GSE1: variants seen among roughly 807,000 people sequenced by gnomAD.
GSE1 encodes the protein Gse1 coiled-coil protein, also known as genetic suppressor element 1.
A neutral mutation model predicts 112.6 loss-of-function variants in GSE1; 32 were observed. The observed-to-expected ratio is 0.28, with a 90% CI of 0.21 to 0.38. The LOEUF is 0.38. Ranked by LOEUF, GSE1 falls within the 10% of genes least tolerant of loss-of-function variation. GSE1 has a pLI of 1.00. For missense variants in GSE1, 2,348 were observed against 1,699.2 expected, an observed-to-expected ratio of 1.38 and a Z score of -6.71; for synonymous variants, 1,115 against 735.6, an observed-to-expected ratio of 1.52 and a Z score of -8.35.
intron 2 of GSE1, among the ~76,000 whole-genome samples, chr16:85,524,448 C>A (rs559752252): frequency 6.6e-6 from 1 of 152,126 alleles, no homozygotes; most frequent in Non-Finnish European, 1.5e-5. Context: ...AATGCCAGCA[C>A]GGCTGCCGTG....
intron 2 of GSE1, among the ~76,000 whole-genome samples, chr16:85,383,759 G>T (rs2047621562): frequency 6.6e-6 from 1 of 152,180 alleles, no homozygotes; most frequent in Admixed American, 6.5e-5. Flanking sequence ...CCCTGGCAGG[G>T]TTAAGAGGGG....
chr16:85,348,952 C>T (rs1164562915), intron 1 of GSE1, among the ~76,000 whole-genome samples: 1 of 152,100 alleles, frequency 6.6e-6, no homozygotes, highest in African/African-American at 2.4e-5. Flanking sequence ...AGCCAACCCC[C>T]ACCGCCCTGC....
intron 2 of GSE1, among the ~76,000 whole-genome samples, chr16:85,476,852 A>C (rs564855354): frequency 3.1e-4 from 45 of 146,446 alleles, no homozygotes; most frequent in Middle Eastern, 3.7e-3. Flanking sequence ...GGCTCAAGTG[A>C]TCCTCTCACC....
At chr16:85,560,166 T>G (rs888258258) in intron 1 of GSE1, among the ~76,000 whole-genome samples, 1 of 134,804 alleles carries the variant, frequency 7.4e-6, no homozygotes, top group Non-Finnish European at 1.5e-5. Flanking sequence ...AGACGGAGTC[T>G]CTCTCTCTTG....
At position 85,319,995 on chromosome 16, in the gene GSE1, G is replaced by A. The variant is rs150510694; in HGVS notation, c.2284-37468G>A. On this transcript the variant is annotated intron_variant, in intron 1 of 2. Transcript: ENST00000637419. ...GGGGCTGCGCCTACCCAGCCGGTTC[G>A]CTTCTCCTTGGGGTTGCGTTTCTTT... 4.3e-4 allele frequency among the ~76,000 whole-genome samples: 66 copies of A among 152,308 alleles called. 1 individual carries two copies. The East Asian group carries it at 5.0e-3, about 12-fold the overall frequency.
chr16:85,304,613 G>GGGGGGGCC (rs1597345354), intron 1 of GSE1, among the ~76,000 whole-genome samples: 1 of 131,730 alleles, frequency 7.6e-6, no homozygotes, highest in Non-Finnish European at 1.7e-5. Flanking sequence ...GGGGGGTGGG[G>GGGGGGGCC]CATCCCTTTT....
At chr16:85,292,578 C>T (rs963398825) in intron 1 of GSE1, among the ~76,000 whole-genome samples, 37 of 152,274 alleles carry the variant, frequency 2.4e-4, no homozygotes, top group African/African-American at 8.9e-4. Flanking sequence ...CCACCTGCCT[C>T]GGCCCCCCAA....
intron 1 of GSE1, among the ~76,000 whole-genome samples, chr16:85,331,703 ATATATTTTT>A (rs1381325449): frequency 7.4e-5 from 3 of 40,620 alleles, no homozygotes; most frequent in South Asian, 9.4e-4. Context: ...ATATATATAT[ATATATTTTT>A]TTTTTTTTTT....
At chr16:85,557,181 C>G (rs1019812774) in intron 1 of GSE1, among the ~76,000 whole-genome samples, 1 of 152,138 alleles carries the variant, frequency 6.6e-6, no homozygotes, top group African/African-American at 2.4e-5. Flanking sequence ...GGTGGTGAAC[C>G]CCAGGGTTCT....
At chr16:85,241,468 G>A (rs1938774009) in intron 1 of GSE1, among the ~76,000 whole-genome samples, 1 of 152,192 alleles carries the variant, frequency 6.6e-6, no homozygotes, top group Admixed American at 6.5e-5. Flanking sequence ...TTTACACCAG[G>A]GAAATGGGCG....
At position 85,666,033 on chromosome 16, in the gene GSE1, C is replaced by A; in HGVS notation, c.2816C>A (p.Ser939Tyr). 1 of 1,613,702 alleles carries A rather than the reference C, an allele frequency of 6.2e-7. No homozygotes were observed. The highest frequency in any genetic ancestry group is 8.5e-7 in the Non-Finnish European group (1 of 1,180,014). The change falls in exon 13 of 16, where the codon TCC (serine) becomes TAC (tyrosine). Residue 939 changes from serine (S) to tyrosine (Y), a missense_variant. Coordinates refer to ENST00000253458, the MANE Select transcript of GSE1 (RefSeq NM_014615.5). ...GAGAAGCCGGTTGGTGTTGCTGCTTCCTTGTCTGACATCCCAAAGGCCGCG... is the reference window on the plus strand; with the variant it reads ...GAGAAGCCGGTTGGTGTTGCTGCTTACTTGTCTGACATCCCAAAGGCCGCG... Reference protein sequence around the residue: ...DVEKPVGVAASLSDIPKAAEP... With the variant: ...DVEKPVGVAAYLSDIPKAAEP...
chr16:85,369,326 C>A (rs1403820843), intron 2 of GSE1, among the ~76,000 whole-genome samples: 2 of 152,144 alleles, frequency 1.3e-5, no homozygotes, highest in Non-Finnish European at 2.9e-5. Context: ...AAGGGATCCT[C>A]CCACTTTAGC....
chr16:85,246,801 G>C (rs1905898507), intron 1 of GSE1, among the ~76,000 whole-genome samples: 2 of 152,094 alleles, frequency 1.3e-5, no homozygotes, highest in African/African-American at 4.8e-5. Context: ...CTGGATGTCT[G>C]TGGCCCCTAC....
intron 1 of GSE1, among the ~76,000 whole-genome samples, chr16:85,628,828 G>A (rs1020552655): frequency 5.9e-5 from 9 of 152,174 alleles, no homozygotes; most frequent in African/African-American, 1.9e-4. Context: ...AGGTGTGTGC[G>A]CCATCTGGGG....
chr16:85,292,137 T>A (rs1262768913), intron 1 of GSE1, among the ~76,000 whole-genome samples: 5 of 150,726 alleles, frequency 3.3e-5, no homozygotes, highest in Non-Finnish European at 7.4e-5. Flanking sequence ...CACAAAAGAA[T>A]GAACCTTTTT....
At position 85,629,156 on chromosome 16, in the gene GSE1, C is replaced by A. The variant is rs528707466; in HGVS notation, c.8-4758C>A. On this transcript the variant is annotated intron_variant, in intron 1 of 15. Transcript: ENST00000253458. ...CCTGAGGCCTCCCCAGAAGCAGATGCCAGCACCACGCTTCCTGTACACCCC... is the reference window on the plus strand; with the variant it reads ...CCTGAGGCCTCCCCAGAAGCAGATGACAGCACCACGCTTCCTGTACACCCC... 5.9e-5 allele frequency among the ~76,000 whole-genome samples: 9 copies of A among 152,322 alleles called. No homozygotes were observed. In the South Asian group the frequency reaches 1.9e-3, roughly 32 times the overall value.
At chr16:85,233,240 C>T (rs750581602) in intron 1 of GSE1, among the ~76,000 whole-genome samples, 4 of 152,378 alleles carry the variant, frequency 2.6e-5, no homozygotes, top group South Asian at 4.1e-4. Flanking sequence ...GTCAGCCAAG[C>T]ACTCATTCAT....
chr16:85,494,629 C>G (rs1369554466), intron 2 of GSE1, among the ~76,000 whole-genome samples: 1 of 152,094 alleles, frequency 6.6e-6, no homozygotes, highest in East Asian at 1.9e-4. Flanking sequence ...GTCTCAAACT[C>G]CTGGACTCAA....
At chr16:85,317,237 A>G (rs1454318560) in intron 1 of GSE1, among the ~76,000 whole-genome samples, 1 of 152,144 alleles carries the variant, frequency 6.6e-6, no homozygotes, top group East Asian at 1.9e-4. Context: ...GACGGGACTA[A>G]CACTTGCTCC....
Sources: gnomAD v4.1 joint callset for allele counts (sites outside exome capture counted in the v4.1 genomes callset) on GRCh38, gnomAD v4.1.1 for gene constraint, MANE v1.5 for transcripts, NCBI Gene and HGNC (gene_info 2026-07-23, HGNC 2026-07-21) for gene names.